The following EXOC6B variants were observed in gnomAD, a reference collection of about 807,000 sequenced individuals.
The protein encoded by EXOC6B is SEC15 homolog B.
A neutral mutation model predicts 113.5 loss-of-function variants in EXOC6B; 54 were observed. The observed-to-expected ratio is 0.48, with a 90% CI of 0.38 to 0.60. The LOEUF (loss-of-function observed/expected upper bound fraction) is 0.60. Ranked by LOEUF, EXOC6B falls within the 20% of genes least tolerant of loss-of-function variation. EXOC6B has a pLI of 0.00. For synonymous variants in EXOC6B, 357 were observed against 339.0 expected (o/e 1.05, Z -0.58); for missense variants, 797 against 977.5 (o/e 0.82, Z 2.46).
intron 20 of EXOC6B, among the ~76,000 whole-genome samples, chr2:72,185,518 G>A (rs559167451): frequency 1.3e-5 from 2 of 152,204 alleles, no homozygotes; most frequent in African/African-American, 4.8e-5. Context: ...CCAAGAAAGG[G>A]ATTTTAGAGA....
At chr2:72,638,612 G>T (rs1201818143) in intron 6 of EXOC6B, among the ~76,000 whole-genome samples, 3 of 152,172 alleles carry the variant, frequency 2.0e-5, no homozygotes, top group Non-Finnish European at 4.4e-5. Flanking sequence ...AGTTGAACTG[G>T]CAAGGAGCAA....
At position 72,452,842 on chromosome 2, in the gene EXOC6B, T is replaced by A. The variant is rs982240742; in HGVS notation, c.1980+12318A>T. Reference sequence around the variant, plus strand: ...TTGGAAGGCACATCTAGAAATAAACTGACATAAAAATAAACTCTGCCTATG... The same window carrying A: ...TTGGAAGGCACATCTAGAAATAAACAGACATAAAAATAAACTCTGCCTATG... On this transcript the variant is annotated intron_variant, in intron 18 of 21. Coordinates refer to ENST00000272427, the MANE Select transcript of EXOC6B (RefSeq NM_015189.3). 5.9e-5 allele frequency among the ~76,000 whole-genome samples: 9 copies of A among 152,296 alleles called. 1 individual carries two copies. The East Asian group carries it at 1.2e-3, about 20-fold the overall frequency.
At chr2:72,470,154 A>C (rs1010224452) in intron 17 of EXOC6B, among the ~76,000 whole-genome samples, 1 of 152,104 alleles carries the variant, frequency 6.6e-6, no homozygotes, top group Non-Finnish European at 1.5e-5. Flanking sequence ...CATTGAATCT[A>C]TAGATTGCTT....
Position 72,733,121 on chromosome 2 carries a change from G to A in EXOC6B, c.280-3C>T. On this transcript the variant is annotated splice_polypyrimidine_tract_variant and splice_region_variant and intron_variant, in intron 2 of 21. Transcript: ENST00000272427. ...CTATTAGTATCCGTCACTTGATTCT[G>A]TGGAGAGAAGACAATTTAAACTCAT... 1.3e-6 allele frequency: 2 copies of A among 1,583,082 alleles called. No homozygotes were observed. The highest frequency in any genetic ancestry group is 1.7e-6 in the Non-Finnish European group (2 of 1,160,216).
intron 1 of EXOC6B, among the ~76,000 whole-genome samples, chr2:72,794,661 C>T (rs1244506687): frequency 6.6e-6 from 1 of 152,208 alleles, no homozygotes; most frequent in Non-Finnish European, 1.5e-5. Context: ...TACTATGACT[C>T]ACTCACTGTA....
At chr2:72,544,433 C>G (rs550794755) in intron 8 of EXOC6B, among the ~76,000 whole-genome samples, 1 of 151,906 alleles carries the variant, frequency 6.6e-6, no homozygotes, top group Non-Finnish European at 1.5e-5. Context: ...CTCATCAGGT[C>G]TCTTACAAAG....
intron 6 of EXOC6B, among the ~76,000 whole-genome samples, chr2:72,652,347 G>T (rs537515326): frequency 6.6e-6 from 1 of 152,214 alleles, no homozygotes; most frequent in South Asian, 2.1e-4. Flanking sequence ...AATTGAGTTT[G>T]ATTTACTTGT....
Position 72,601,172 on chromosome 2 carries a change from GTGTGTA to G in EXOC6B, c.670-25510_670-25505del, listed in dbSNP as rs1245382444. 2.7e-3 allele frequency among the ~76,000 whole-genome samples: 159 copies of G among 59,936 alleles called. 2 individuals carry two copies. The highest frequency in any genetic ancestry group is 4.4e-4 in the Non-Finnish European group (13 of 29,498). 39.3% of individuals were successfully genotyped at this position (59,936 alleles called of 152,430 possible). A position where few individuals can be genotyped will look rare whatever the true frequency, so the allele number is the denominator to read the frequency against. ...TGTGTGTGTGTGTGTGTGTGTGTGT[GTGTGTA>G]TATCTTTTTTTCTTTTTTTCCTGAG... is the stretch of plus-strand genomic sequence containing the variant. On this transcript the variant is annotated intron_variant, in intron 6 of 21. Coordinates refer to ENST00000272427, the MANE Select transcript of EXOC6B (RefSeq NM_015189.3).
intron 6 of EXOC6B, among the ~76,000 whole-genome samples, chr2:72,604,468 T>C (rs1670625858): frequency 6.6e-6 from 1 of 152,168 alleles, no homozygotes; most frequent in African/African-American, 2.4e-5. Context: ...AAGCAGAAAA[T>C]CTGGATTATT....
At chr2:72,769,922 T>G (rs1434973490) in intron 1 of EXOC6B, among the ~76,000 whole-genome samples, 1 of 152,064 alleles carries the variant, frequency 6.6e-6, no homozygotes, top group Non-Finnish European at 1.5e-5. Flanking sequence ...GTATCAGACT[T>G]CTCCACAGCA....
chr2:72,461,008 C>T (rs1010247470), intron 18 of EXOC6B, among the ~76,000 whole-genome samples: 1 of 151,650 alleles, frequency 6.6e-6, no homozygotes, highest in Non-Finnish European at 1.5e-5. Context: ...CACATATACA[C>T]CATAGAATAC....
chr2:72,521,370 T>C (rs900567092), intron 8 of EXOC6B, among the ~76,000 whole-genome samples: 11 of 152,192 alleles, frequency 7.2e-5, no homozygotes, highest in African/African-American at 1.9e-4. Context: ...CTGTGGTATT[T>C]TGTTATACCA....
At chr2:72,790,884 T>TA (rs909081326) in intron 1 of EXOC6B, among the ~76,000 whole-genome samples, 9 of 151,712 alleles carry the variant, frequency 5.9e-5, no homozygotes, top group Admixed American at 1.3e-4. Context: ...ATGTGGGAGC[T>TA]AAAAAAAATT....
chr2:72,566,870 C>T (rs1394002281), intron 7 of EXOC6B, among the ~76,000 whole-genome samples: 1 of 151,994 alleles, frequency 6.6e-6, no homozygotes. Context: ...TTTCTATGAA[C>T]TGATATGGAA....
chr2:72,659,046 A>G (rs1674815488), intron 6 of EXOC6B, among the ~76,000 whole-genome samples: 1 of 152,160 alleles, frequency 6.6e-6, no homozygotes, highest in South Asian at 2.1e-4. Flanking sequence ...TGTTCATTTA[A>G]CTCCAGTATT....
intron 19 of EXOC6B, among the ~76,000 whole-genome samples, chr2:72,361,980 G>T (rs1424374631): frequency 6.6e-6 from 1 of 152,286 alleles, no homozygotes; most frequent in Non-Finnish European, 1.5e-5. Flanking sequence ...GTGAGACCAA[G>T]AATTTACTCT....
intron 20 of EXOC6B, among the ~76,000 whole-genome samples, chr2:72,212,437 T>G (rs1203050699): frequency 6.6e-6 from 1 of 152,112 alleles, no homozygotes; most frequent in Non-Finnish European, 1.5e-5. Context: ...AAAAGAGGAC[T>G]TGGAGTTGCT....
At position 72,646,320 on chromosome 2, in the gene EXOC6B, A is replaced by C. The variant is rs1254168318; in HGVS notation, c.670-70652T>G. ...TAATTAATAGCCTACCAACCAAAAAAAGTCCAGGACCAGACAGATTCACAG... is the reference window on the plus strand; with the variant it reads ...TAATTAATAGCCTACCAACCAAAAACAGTCCAGGACCAGACAGATTCACAG... On this transcript the variant is annotated intron_variant, in intron 6 of 21. Transcript: ENST00000272427. Among the ~76,000 whole-genome samples, 16 of 81,274 alleles carry C rather than the reference A, an allele frequency of 2.0e-4. No individual in the cohort carries two copies. In the Admixed American group the frequency reaches 2.2e-3, roughly 11 times the overall value. 53.3% of individuals were successfully genotyped at this position (81,274 alleles called of 152,430 possible). A position where few individuals can be genotyped will look rare whatever the true frequency, so the allele number is the denominator to read the frequency against.
chr2:72,391,613 C>A (rs1029508275), intron 18 of EXOC6B, among the ~76,000 whole-genome samples: 1 of 152,204 alleles, frequency 6.6e-6, no homozygotes, highest in African/African-American at 2.4e-5. Flanking sequence ...TTCTCAAGTA[C>A]AAAATTCTTT....
Sources: gnomAD v4.1 joint callset for allele counts (sites outside exome capture counted in the v4.1 genomes callset) on GRCh38, gnomAD v4.1.1 for gene constraint, MANE v1.5 for transcripts, NCBI Gene and HGNC (gene_info 2026-07-23, HGNC 2026-07-21) for gene names.